The following SLC9A9 variants were observed in gnomAD, a reference collection of about 807,000 sequenced individuals.
SLC9A9 encodes sodium/hydrogen exchanger 9.
Under a neutral mutation model 77.8 loss-of-function variants are expected in SLC9A9, and 62 were observed. The observed-to-expected ratio is 0.80, with a 90% CI of 0.65 to 0.98. The LOEUF (loss-of-function observed/expected upper bound fraction) is 0.98. SLC9A9 is among the 50% of genes least tolerant of loss of function. The pLI is 0.00. For synonymous variants in SLC9A9, 320 were observed against 283.5 expected (o/e 1.13, Z -1.29); for missense variants, 775 against 774.9 (o/e 1.00, Z 0.00).
intron 4 of SLC9A9, among the ~76,000 whole-genome samples, chr3:143,732,910 A>G (rs1241975434): frequency 2.0e-5 from 3 of 152,238 alleles, no homozygotes. Flanking sequence ...TCTTACTTTG[A>G]ATATGCCAAG....
At chr3:143,652,778 T>TACACACACACACACACAC (rs369670861) in intron 5 of SLC9A9, among the ~76,000 whole-genome samples, 4 of 82,374 alleles carry the variant, frequency 4.9e-5, no homozygotes, top group African/African-American at 1.3e-4. Context: ...ATTCCTTAAA[T>TACACACACACACACACAC]ACACACACAC....
At chr3:143,655,678 A>C in intron 5 of SLC9A9, 1 of 894,902 alleles carries the variant, frequency 1.1e-6, no homozygotes, top group Non-Finnish European at 1.3e-6. Flanking sequence ...GAACATGCAC[A>C]TGTACACACA....
chr3:143,728,070 T>C (rs1187374681), intron 4 of SLC9A9, among the ~76,000 whole-genome samples: 4 of 152,192 alleles, frequency 2.6e-5, no homozygotes, highest in Admixed American at 6.5e-5. Flanking sequence ...TAGTTGTTAG[T>C]GGGTGGAGGT....
chr3:143,422,870 A>G (rs894623911), intron 12 of SLC9A9, among the ~76,000 whole-genome samples: 1 of 152,230 alleles, frequency 6.6e-6, no homozygotes, highest in Non-Finnish European at 1.5e-5. Flanking sequence ...GCCTTCTGAA[A>G]CAGGTATTAT....
At chr3:143,340,967 C>T (rs1385800591) in intron 14 of SLC9A9, among the ~76,000 whole-genome samples, 2 of 152,186 alleles carry the variant, frequency 1.3e-5, no homozygotes, top group Non-Finnish European at 2.9e-5. Flanking sequence ...TGAACTTTAT[C>T]ACTTTTGCTG....
chr3:143,640,718 T>C lies in SLC9A9; in HGVS notation c.755+11537A>G, dbSNP rs200541529. ...TTTACAAAAAATACAAAAATTAGCC[T>C]GGTGTGGTCTGTGGTCCCAGCTACT... On this transcript the variant is annotated intron_variant, in intron 6 of 15. Coordinates refer to ENST00000316549, the MANE Select transcript of SLC9A9 (RefSeq NM_173653.4). Among the ~76,000 whole-genome samples, 18 of 151,972 alleles carry C rather than the reference T, an allele frequency of 1.2e-4. No homozygotes were observed. In the East Asian group the frequency reaches 3.5e-3, roughly 29 times the overall value.
chr3:143,817,038 G>A (rs2009034833), intron 2 of SLC9A9, among the ~76,000 whole-genome samples: 1 of 151,714 alleles, frequency 6.6e-6, no homozygotes, highest in African/African-American at 2.4e-5. Flanking sequence ...TGGTTATTTA[G>A]ATTTCAAATA....
chr3:143,273,541 C>T (rs1390782627), intron 14 of SLC9A9, among the ~76,000 whole-genome samples: 1 of 152,206 alleles, frequency 6.6e-6, no homozygotes, highest in Non-Finnish European at 1.5e-5. Context: ...TCTATTCTTC[C>T]AGCCTCCAAA....
At chr3:143,388,825 T>C (rs920537289) in intron 12 of SLC9A9, among the ~76,000 whole-genome samples, 6 of 152,188 alleles carry the variant, frequency 3.9e-5, no homozygotes, top group African/African-American at 1.4e-4. Flanking sequence ...GTGATAAGCA[T>C]TGAACATTAA....
rs71912841 is a variant in SLC9A9 at position 143,815,542 on chromosome 3, AT to A, written c.378+16476del. On this transcript the variant is annotated intron_variant, in intron 2 of 15. Transcript: ENST00000316549. ...TTCTTTGAATGAAGGGCTTTTTGCTATTTTAAAAAAAAAAAAAGGTTTAAAA... is the reference window on the plus strand; with the variant it reads ...TTCTTTGAATGAAGGGCTTTTTGCTATTTAAAAAAAAAAAAAGGTTTAAAA... Among the ~76,000 whole-genome samples, 72 of 129,340 alleles carry A rather than the reference AT, an allele frequency of 5.6e-4. 2 individuals carry two copies. The highest frequency in any genetic ancestry group is 7.9e-3 in the Middle Eastern group (2 of 254). 84.9% of individuals were successfully genotyped at this position (129,340 alleles called of 152,430 possible). A position where few individuals can be genotyped will look rare whatever the true frequency, so the allele number is the denominator to read the frequency against.
chr3:143,693,139 C>T, intron 5 of SLC9A9, 53 bp downstream of exon 5: 1 of 1,370,350 alleles, frequency 7.3e-7, no homozygotes, highest in Non-Finnish European at 1.0e-6. Context: ...GAGAAACATT[C>T]AATTTAAATG....
intron 8 of SLC9A9, among the ~76,000 whole-genome samples, chr3:143,571,577 C>T (rs2037258622): frequency 6.6e-6 from 1 of 151,708 alleles, no homozygotes; most frequent in Non-Finnish European, 1.5e-5. Context: ...GATAAATTCC[C>T]CTAAAATTTT....
At chr3:143,307,205 G>T (rs2030823925) in intron 14 of SLC9A9, among the ~76,000 whole-genome samples, 1 of 152,044 alleles carries the variant, frequency 6.6e-6, no homozygotes, top group African/African-American at 2.4e-5. Context: ...TTAGCTATGG[G>T]GGCAATGTTT....
chr3:143,438,012 A>G (rs778681315), intron 12 of SLC9A9, among the ~76,000 whole-genome samples: 2 of 152,218 alleles, frequency 1.3e-5, no homozygotes, highest in Non-Finnish European at 2.9e-5. Flanking sequence ...ATTTTTACTA[A>G]ATTGTTTTCC....
intron 2 of SLC9A9, among the ~76,000 whole-genome samples, chr3:143,817,181 G>T (rs4839664): frequency 1.4e-5 from 2 of 141,610 alleles, no homozygotes; most frequent in Non-Finnish European, 3.1e-5. Flanking sequence ...TCGCTCTGTC[G>T]CCCAGGCCGG....
chr3:143,724,116 A>G (rs1388938086), intron 4 of SLC9A9, among the ~76,000 whole-genome samples: 10 of 152,118 alleles, frequency 6.6e-5, no homozygotes, highest in Non-Finnish European at 1.5e-4. Flanking sequence ...CCCCACCCAA[A>G]TCTCATGTTG....
chr3:143,274,483 T>C (rs1395369156), intron 14 of SLC9A9, among the ~76,000 whole-genome samples: 1 of 152,190 alleles, frequency 6.6e-6, no homozygotes, highest in East Asian at 1.9e-4. Context: ...TGACTCTCTG[T>C]TGGGGAAGAA....
chr3:143,449,874 A>C (rs1345027403), intron 12 of SLC9A9, among the ~76,000 whole-genome samples: 7 of 82,376 alleles, frequency 8.5e-5, no homozygotes, highest in Admixed American at 4.4e-4. Context: ...TAAAATATAT[A>C]ATTATATAAA....
chr3:143,445,372 T>C (rs147491323), intron 12 of SLC9A9, among the ~76,000 whole-genome samples: 2 of 152,262 alleles, frequency 1.3e-5, no homozygotes, highest in African/African-American at 4.8e-5. Flanking sequence ...CCCTTTCACA[T>C]AGGAGATGTG....
Sources: allele counts gnomAD v4.1 joint callset (sites outside exome capture counted in the v4.1 genomes callset), GRCh38; gene constraint gnomAD v4.1.1; transcripts MANE v1.5; gene names NCBI Gene and HGNC (gene_info 2026-07-23, HGNC 2026-07-21).